Variants in GRM5 observed in about 807,000 individuals in gnomAD.
GRM5 encodes the protein glutamate metabotropic receptor 5, also known as metabotropic glutamate receptor 5.
A neutral mutation model predicts 83.1 loss-of-function variants in GRM5; 19 were observed. That is an observed-to-expected ratio of 0.23 (90% CI 0.16 to 0.34). The LOEUF (loss-of-function observed/expected upper bound fraction) is 0.34, where lower values mean the gene tolerates loss of function less well. Ranked by LOEUF, GRM5 falls within the 10% of genes least tolerant of loss-of-function variation. The pLI is 1.00. For missense variants in GRM5, 1,160 were observed against 1,588.3 expected (o/e 0.73, Z 4.58); for synonymous variants, 675 against 633.6 (o/e 1.07, Z -0.98).
chr11:88,743,035 A>G (rs1942060709), intron 3 of GRM5, among the ~76,000 whole-genome samples: 1 of 152,136 alleles, frequency 6.6e-6, no homozygotes. Context: ...GCATTTAAAA[A>G]CAGCGAGATT....
At chr11:88,818,608 G>C (rs947136400) in intron 3 of GRM5, among the ~76,000 whole-genome samples, 1 of 152,028 alleles carries the variant, frequency 6.6e-6, no homozygotes, top group Non-Finnish European at 1.5e-5. Flanking sequence ...TGCTTTGCAA[G>C]TGATAGTAGA....
At chr11:88,522,510 C>T (rs1941722087) in intron 9 of GRM5, among the ~76,000 whole-genome samples, 1 of 151,164 alleles carries the variant, frequency 6.6e-6, no homozygotes, top group Non-Finnish European at 1.5e-5. Flanking sequence ...CCTCTCTTTT[C>T]ATATGTCTCT....
chr11:88,600,062 T>C (rs1937935974), intron 5 of GRM5, among the ~76,000 whole-genome samples: 1 of 152,154 alleles, frequency 6.6e-6, no homozygotes. Context: ...TTGTTTTTGA[T>C]GGCTTTAGTA....
intron 3 of GRM5, among the ~76,000 whole-genome samples, chr11:88,772,609 A>C: frequency 6.6e-6 from 1 of 151,072 alleles, no homozygotes; most frequent in South Asian, 2.1e-4. Context: ...AGCCCCCCAT[A>C]CCCCTACAGG....
chr11:89,063,042 C>T (rs1452797031), intron 1 of GRM5, among the ~76,000 whole-genome samples: 1 of 152,252 alleles, frequency 6.6e-6, no homozygotes, highest in African/African-American at 2.4e-5. Context: ...CGCTGTCCCC[C>T]CTCTTCCTGC....
At chr11:88,578,443 C>T (rs1423444787) in intron 7 of GRM5, among the ~76,000 whole-genome samples, 1 of 152,114 alleles carries the variant, frequency 6.6e-6, no homozygotes. Flanking sequence ...TTCAGTCTGG[C>T]CATGTCAGAG....
At chr11:88,867,327 G>A (rs929816296) in intron 2 of GRM5, among the ~76,000 whole-genome samples, 8 of 151,770 alleles carry the variant, frequency 5.3e-5, no homozygotes, top group African/African-American at 1.7e-4. Context: ...TTGAATATGA[G>A]AAAATTCAAG....
At chr11:88,856,689 G>A (rs117735374) in intron 2 of GRM5, among the ~76,000 whole-genome samples, 3 of 151,926 alleles carry the variant, frequency 2.0e-5, no homozygotes, top group African/African-American at 2.4e-5. Flanking sequence ...TTTGTACAAC[G>A]GACATCACAG....
intron 6 of GRM5, among the ~76,000 whole-genome samples, chr11:88,594,775 A>G (rs1413101292): frequency 6.6e-6 from 1 of 152,228 alleles, no homozygotes; most frequent in African/African-American, 2.4e-5. Flanking sequence ...GAAAAAACAC[A>G]TGAAATGCCT....
intron 2 of GRM5, among the ~76,000 whole-genome samples, chr11:89,025,554 CATGAT>C (rs1381117095): frequency 1.3e-5 from 2 of 152,038 alleles, no homozygotes; most frequent in East Asian, 3.8e-4. Context: ...AAAACATGTT[CATGAT>C]ATATCATTAT....
At chr11:88,748,843 G>T (rs1247473055) in intron 3 of GRM5, among the ~76,000 whole-genome samples, 3 of 152,112 alleles carry the variant, frequency 2.0e-5, no homozygotes. Context: ...GCAAACCACA[G>T]CAGCCCTACA....
At chr11:88,851,240 C>T (rs536171942) in intron 2 of GRM5, among the ~76,000 whole-genome samples, 2 of 152,122 alleles carry the variant, frequency 1.3e-5, no homozygotes, top group African/African-American at 2.4e-5. Flanking sequence ...TTATACAGGG[C>T]TCATATTCTG....
chr11:88,993,414 T>C (rs1166693641), intron 2 of GRM5, among the ~76,000 whole-genome samples: 1 of 152,190 alleles, frequency 6.6e-6, no homozygotes, highest in Non-Finnish European at 1.5e-5. Flanking sequence ...CATATATGTG[T>C]GTTTAACTCT....
intron 2 of GRM5, among the ~76,000 whole-genome samples, chr11:88,857,796 A>G (rs531762693): frequency 1.3e-5 from 2 of 152,234 alleles, no homozygotes; most frequent in South Asian, 2.1e-4. Flanking sequence ...AAATGATGCA[A>G]GAAATGTGTA....
chr11:88,564,633 C>A (rs1942833316), intron 8 of GRM5, among the ~76,000 whole-genome samples: 1 of 152,124 alleles, frequency 6.6e-6, no homozygotes, highest in Non-Finnish European at 1.5e-5. Context: ...AAAAAAAGTA[C>A]CTACCACATT....
intron 2 of GRM5, among the ~76,000 whole-genome samples, chr11:88,952,589 T>C (rs1416256191): frequency 1.3e-5 from 2 of 151,478 alleles, no homozygotes; most frequent in Non-Finnish European, 2.9e-5. Flanking sequence ...CTCTTGTAAA[T>C]TCCATAGTAA....
chr11:88,633,545 A>G (rs889996805), intron 4 of GRM5, among the ~76,000 whole-genome samples: 1 of 152,156 alleles, frequency 6.6e-6, no homozygotes, highest in Non-Finnish European at 1.5e-5. Context: ...GTAACTCAGG[A>G]TGGAGTGCAG....
chr11:88,783,749 G>A (rs1010578826), intron 3 of GRM5, among the ~76,000 whole-genome samples: 1 of 151,972 alleles, frequency 6.6e-6, no homozygotes, highest in African/African-American at 2.4e-5. Flanking sequence ...GCACTTCTGT[G>A]TCTTACTTTT....
chr11:88,754,711 T>C (rs991667206), intron 3 of GRM5, among the ~76,000 whole-genome samples: 6 of 152,186 alleles, frequency 3.9e-5, no homozygotes, highest in African/African-American at 1.4e-4. Context: ...TCTGTATGTA[T>C]CTGTGTTCAT....
Sources: allele counts gnomAD v4.1 joint callset (sites outside exome capture counted in the v4.1 genomes callset), GRCh38; gene constraint gnomAD v4.1.1; transcripts MANE v1.5; gene names NCBI Gene and HGNC (gene_info 2026-07-23, HGNC 2026-07-21).